Variants in ENAH observed in about 807,000 individuals in gnomAD.
ENAH encodes protein enabled homolog.
In ENAH, 23 loss-of-function variants were observed where a neutral mutation model predicts 78.7. The ratio of observed to expected loss-of-function variants is 0.29; its 90% CI spans 0.21 to 0.41. ENAH has a LOEUF of 0.41. Among genes scored for constraint, ENAH ranks in the 10% least tolerant of loss-of-function variants. The pLI is 1.00. For synonymous variants in ENAH, 226 were observed against 241.0 expected, an observed-to-expected ratio of 0.94 and a Z score of 0.58; for missense variants, 544 against 691.0, an observed-to-expected ratio of 0.79 and a Z score of 2.39.
At chr1:225,561,406 G>C (rs2096704854) in intron 2 of ENAH, among the ~76,000 whole-genome samples, 2 of 151,694 alleles carry the variant, frequency 1.3e-5, no homozygotes, top group Admixed American at 6.6e-5. Context: ...AGCAGATCAT[G>C]AGGTCAGGAG....
chr1:225,622,782 T>C (rs1402177304), intron 1 of ENAH, among the ~76,000 whole-genome samples: 1 of 152,140 alleles, frequency 6.6e-6, no homozygotes, highest in Non-Finnish European at 1.5e-5. Flanking sequence ...ATTCAGACCA[T>C]AGCACTATGG....
At chr1:225,558,259 A>G (rs1343451642) in intron 2 of ENAH, among the ~76,000 whole-genome samples, 1 of 152,178 alleles carries the variant, frequency 6.6e-6, no homozygotes, top group Non-Finnish European at 1.5e-5. Context: ...AAAGATAGGC[A>G]TCCTCTTTTT....
intron 1 of ENAH, among the ~76,000 whole-genome samples, chr1:225,585,298 C>A (rs947732408): frequency 6.7e-6 from 1 of 148,584 alleles, no homozygotes; most frequent in African/African-American, 2.5e-5. Context: ...AATTTTAACA[C>A]CCCCTTAAAC....
chr1:225,572,950 A>G (rs1459107737), intron 1 of ENAH, among the ~76,000 whole-genome samples: 2 of 152,234 alleles, frequency 1.3e-5, no homozygotes, highest in African/African-American at 2.4e-5. Flanking sequence ...AAGGGAAAAA[A>G]GGTCTAAAAA....
chr1:225,634,274 G>GT lies in ENAH; in HGVS notation c.5+18411_5+18412insA, dbSNP rs201409839. 4.8e-3 allele frequency among the ~76,000 whole-genome samples: 735 copies of GT among 152,294 alleles called. 3 individuals carry two copies. Among genetic ancestry groups the GT allele is most frequent in the Middle Eastern group, 0.014 (4 of 294 alleles). On this transcript the variant is annotated intron_variant, in intron 1 of 13. Coordinates refer to ENST00000366843, the MANE Select transcript of ENAH (RefSeq NM_018212.6). ...TGAATGCCACCTCATCTCACTTAAA[G>GT]CATTTAAGAGTTTAAAATATGTTGA... is the stretch of plus-strand genomic sequence containing the variant.
intron 3 of ENAH, among the ~76,000 whole-genome samples, chr1:225,533,882 GTTA>G (rs951693333): frequency 6.6e-6 from 1 of 152,046 alleles, no homozygotes; most frequent in Non-Finnish European, 1.5e-5. Flanking sequence ...ACAAATCGGT[GTTA>G]TTATATACAC....
chr1:225,564,515 G>A (rs562691906), intron 2 of ENAH, among the ~76,000 whole-genome samples: 2 of 148,736 alleles, frequency 1.3e-5, no homozygotes, highest in East Asian at 2.0e-4. Flanking sequence ...GGCTGGTTGC[G>A]AACTCCAGAC....
At chr1:225,530,062 A>G (rs929002014) in intron 4 of ENAH, among the ~76,000 whole-genome samples, 3 of 152,206 alleles carry the variant, frequency 2.0e-5, no homozygotes, top group Admixed American at 6.5e-5. Context: ...ACGTACTCTG[A>G]CCACTTTCAG....
chr1:225,497,160 C>T lies in ENAH; in HGVS notation c.*615G>A, dbSNP rs1339654660. 1 of 152,602 alleles carries T rather than the reference C, an allele frequency of 6.6e-6. No homozygotes were observed. Among genetic ancestry groups the T allele is most frequent in the African/African-American group, 2.4e-5 (1 of 41,458 alleles). The allele number at this position is 152,602 out of a possible 1,614,324, so 9.5% of individuals were successfully genotyped here. On this transcript the variant is annotated 3_prime_UTR_variant, in exon 14 of 14. Transcript: ENST00000366843. ...CTAACTCGAGAAACTTCCTATCATT[C>T]TAAAATTTCTCAAGCTGAAGAAACA...
chr1:225,607,213 A>G (rs1434895373), intron 1 of ENAH, among the ~76,000 whole-genome samples: 1 of 152,100 alleles, frequency 6.6e-6, no homozygotes, highest in Non-Finnish European at 1.5e-5. Flanking sequence ...CACTAACAAC[A>G]ACGACAGCTG....
intron 1 of ENAH, among the ~76,000 whole-genome samples, chr1:225,649,044 T>C (rs569714324): frequency 6.6e-6 from 1 of 152,204 alleles, no homozygotes; most frequent in East Asian, 1.9e-4. Flanking sequence ...AACATAGAAA[T>C]AGGCCTGGAA....
intron 9 of ENAH, 128 bp downstream of exon 9, chr1:225,512,525 ATAGT>A: frequency 1.2e-6 from 1 of 846,220 alleles, no homozygotes; most frequent in Non-Finnish European, 1.8e-6. Context: ...CTTCACATGC[ATAGT>A]TAAAAATTAG....
chr1:225,521,585 G>T (rs1468703097), intron 4 of ENAH, among the ~76,000 whole-genome samples: 6 of 149,486 alleles, frequency 4.0e-5, no homozygotes, highest in African/African-American at 1.2e-4. Flanking sequence ...AGGTGGCTGT[G>T]AGCTGAGACT....
At chr1:225,546,008 C>CA (rs1268933449) in intron 3 of ENAH, among the ~76,000 whole-genome samples, 1 of 146,982 alleles carries the variant, frequency 6.8e-6, no homozygotes, top group Non-Finnish European at 1.5e-5. Context: ...ACTGTAAACT[C>CA]AAACTCCCAG....
intron 1 of ENAH, among the ~76,000 whole-genome samples, chr1:225,636,652 T>C (rs899358269): frequency 2.0e-5 from 3 of 152,134 alleles, no homozygotes; most frequent in African/African-American, 7.2e-5. Flanking sequence ...GAGACCAACC[T>C]GGGCAACACA....
At position 225,567,173 on chromosome 1, in the gene ENAH, ACTTTATT is replaced by A. The variant is rs2096739058; in HGVS notation, c.171+69_171+75del. 3 of 1,497,130 alleles carry A rather than the reference ACTTTATT, an allele frequency of 2.0e-6. No individual in the cohort carries two copies. In the African/African-American group the frequency reaches 4.2e-5, roughly 21 times the overall value. 92.7% of individuals were successfully genotyped at this position (1,497,130 alleles called of 1,614,324 possible). A position where few individuals can be genotyped will look rare whatever the true frequency, so the allele number is the denominator to read the frequency against. ...CTATTTTGATTACAGTTTTAAAACT[ACTTTATT>A]TTACGGAATATGCCAAGTCCTTTTG... On this transcript the variant is annotated intron_variant, in intron 2 of 13. Coordinates refer to ENST00000366843, the MANE Select transcript of ENAH (RefSeq NM_018212.6).
chr1:225,574,324 G>A (rs2096777166), intron 1 of ENAH, among the ~76,000 whole-genome samples: 1 of 152,174 alleles, frequency 6.6e-6, no homozygotes, highest in Non-Finnish European at 1.5e-5. Context: ...TTGTGGGCCA[G>A]GCGCGGTGGC....
At chr1:225,615,099 G>T (rs183811252) in intron 1 of ENAH, among the ~76,000 whole-genome samples, 5 of 152,064 alleles carry the variant, frequency 3.3e-5, no homozygotes, top group Non-Finnish European at 5.9e-5. Context: ...CCGAGCGGAG[G>T]CTGGACTGTG....
At chr1:225,600,556 T>C (rs1028434763) in intron 1 of ENAH, among the ~76,000 whole-genome samples, 2 of 152,130 alleles carry the variant, frequency 1.3e-5, no homozygotes, top group Non-Finnish European at 2.9e-5. Context: ...CTAAGTGAGC[T>C]TCCTTCTTAA....
Sources: gnomAD v4.1 joint callset for allele counts (sites outside exome capture counted in the v4.1 genomes callset) on GRCh38, gnomAD v4.1.1 for gene constraint, MANE v1.5 for transcripts, NCBI Gene and HGNC (gene_info 2026-07-23, HGNC 2026-07-21) for gene names.